The following AP3D1 variants were observed in gnomAD, a reference collection of about 807,000 sequenced individuals.
The protein encoded by AP3D1 is AP-3 complex subunit delta-1.
Under a neutral mutation model 147.6 loss-of-function variants are expected in AP3D1, and 51 were observed. The ratio of observed to expected loss-of-function variants is 0.35; its 90% confidence interval spans 0.28 to 0.44. The LOEUF is 0.44. Ranked by LOEUF, AP3D1 falls within the 20% of genes least tolerant of loss-of-function variation. The pLI, the probability that AP3D1 is intolerant of heterozygous loss-of-function variation, is 1.00. For missense variants in AP3D1, 1,421 were observed against 1,624.2 expected (o/e 0.87, Z 2.15); for synonymous variants, 760 against 663.0 (o/e 1.15, Z -2.25).
At chr19:2,141,482 G>A (rs2019218875) in intron 1 of AP3D1, among the ~76,000 whole-genome samples, 1 of 148,320 alleles carries the variant, frequency 6.7e-6, no homozygotes, top group Non-Finnish European at 1.5e-5. Context: ...TCACCAGGCT[G>A]GAGTGCAGTG....
At chr19:2,148,909 G>C (rs866079675) in intron 1 of AP3D1, among the ~76,000 whole-genome samples, 1 of 152,172 alleles carries the variant, frequency 6.6e-6, no homozygotes, top group Non-Finnish European at 1.5e-5. Flanking sequence ...ACACTGTCTA[G>C]AGTCTTTGTT....
intron 8 of AP3D1, among the ~76,000 whole-genome samples, chr19:2,128,594 G>GCGCATGGCCTGCACTCAC (rs2018837129): frequency 1.6e-4 from 3 of 18,400 alleles, no homozygotes; most frequent in Admixed American, 5.5e-4. Context: ...CGCCCCCGCC[G>GCGCATGGCCTGCACTCAC]CTCCGACACT....
chr19:2,110,754 C>T lies in AP3D1; in HGVS notation c.3128G>A (p.Gly1043Asp), dbSNP rs1351347820. ...GGGGACGCCATCGTGGACGGAGGAG[C>T]CCTGCGGCCGGGCCATCCTGGCATT... The part of the protein sequence containing the change: ...SLNARMARPQ[G>D]SSVHDGVPVP... Residue 1043 changes from glycine to aspartate, a missense_variant, in exon 27 of 32, where the codon GGC (glycine) becomes GAC (aspartate). Coordinates refer to ENST00000643116, the MANE Select transcript of AP3D1 (RefSeq NM_001261826.3). 2 of 1,611,014 alleles carry T rather than the reference C, an allele frequency of 1.2e-6. No homozygotes were observed. The highest frequency in any genetic ancestry group is 1.1e-5 in the South Asian group (1 of 90,754).
intron 31 of AP3D1, among the ~76,000 whole-genome samples, chr19:2,105,711 C>T (rs575926087): frequency 6.6e-6 from 1 of 152,186 alleles, no homozygotes; most frequent in African/African-American, 2.4e-5. Context: ...GGGTTAGGGT[C>T]TCCCTGACCA....
chr19:2,159,000 AT>A (rs34091780), intron 1 of AP3D1, among the ~76,000 whole-genome samples: 43,308 of 148,982 alleles, frequency 0.29, 7,652 homozygotes, highest in Non-Finnish European at 0.41. Flanking sequence ...TTCTGTTATA[AT>A]TTTTTTTTTT....
intron 29 of AP3D1, 183 bp from the exon 30 acceptor site, chr19:2,109,390 G>C: frequency 2.7e-6 from 2 of 750,866 alleles, no homozygotes; most frequent in Non-Finnish European, 4.2e-6. Flanking sequence ...GTCACACCCA[G>C]AAACTGACAA....
intron 15 of AP3D1, among the ~76,000 whole-genome samples, 160 bp from the exon 16 acceptor site, chr19:2,117,527 C>G (rs576948185): frequency 6.6e-6 from 1 of 152,352 alleles, no homozygotes; most frequent in East Asian, 1.9e-4. Flanking sequence ...TCTCTGTCGT[C>G]ATCATCCTCG....
intron 5 of AP3D1, among the ~76,000 whole-genome samples, chr19:2,130,887 C>A (rs1256740154): frequency 6.6e-6 from 1 of 152,260 alleles, no homozygotes; most frequent in African/African-American, 2.4e-5. Flanking sequence ...TGCCCTGCGA[C>A]TGCTCAAATT....
intron 9 of AP3D1, among the ~76,000 whole-genome samples, chr19:2,125,907 G>A (rs2018742499): frequency 1.3e-5 from 2 of 151,888 alleles, no homozygotes; most frequent in South Asian, 2.1e-4. Flanking sequence ...ATCACTTTGA[G>A]AGGTCAAGGC....
intron 31 of AP3D1, among the ~76,000 whole-genome samples, chr19:2,103,990 C>A (rs116357585): frequency 6.6e-6 from 1 of 151,734 alleles, no homozygotes; most frequent in Non-Finnish European, 1.5e-5. Flanking sequence ...GACACTAACA[C>A]CCAGACCCTA....
chr19:2,157,424 A>G (rs911778016), intron 1 of AP3D1, among the ~76,000 whole-genome samples: 6 of 134,552 alleles, frequency 4.5e-5, no homozygotes, highest in African/African-American at 1.7e-4. Context: ...CCTGGGCGAC[A>G]GAGCGAGACT....
At chr19:2,127,864 T>G (rs2018801695) in intron 8 of AP3D1, among the ~76,000 whole-genome samples, 1 of 152,170 alleles carries the variant, frequency 6.6e-6, no homozygotes, top group East Asian at 1.9e-4. Flanking sequence ...ACACAGATAA[T>G]CACCATGGAG....
Position 2,111,215 on chromosome 19 carries a change from G to A in AP3D1, c.2985+70C>T, listed in dbSNP as rs568422041. 14 of 1,586,518 alleles carry A rather than the reference G, an allele frequency of 8.8e-6. No homozygotes were observed. The East Asian group carries it at 2.2e-4, about 25-fold the overall frequency. On this transcript the variant is annotated intron_variant, in intron 26 of 31. Transcript: ENST00000643116. ...ATCCGGGAGCTGTGGGGGCTGCCCG[G>A]GTTCCGCGCGATCCCATGCCAAAGA... is the stretch of plus-strand genomic sequence containing the variant.
intron 1 of AP3D1, among the ~76,000 whole-genome samples, chr19:2,163,374 G>C (rs146931178): frequency 1.3e-5 from 2 of 151,446 alleles, no homozygotes; most frequent in African/African-American, 4.9e-5. Flanking sequence ...GCTCCTGGCC[G>C]TGAGAGGGGG....
rs767578595 is a variant in AP3D1, at chr19:2,110,051, G to T, written c.3264+85C>A. On this transcript the variant is annotated intron_variant, in intron 28 of 31. Transcript: ENST00000643116. ...AGGCAGGTGGCCCACTTCCCCTAGG[G>T]ACACCTGGACACCCACTGCGATGGG... 4.4e-6 allele frequency: 7 copies of T among 1,585,900 alleles called. No homozygotes were observed. The East Asian group carries it at 1.1e-4, about 26-fold the overall frequency.
At chr19:2,159,815 C>T (rs991744791) in intron 1 of AP3D1, among the ~76,000 whole-genome samples, 2 of 152,036 alleles carry the variant, frequency 1.3e-5, no homozygotes, top group African/African-American at 4.8e-5. Context: ...ATTCTCTTGC[C>T]TCAGCCTCCA....
chr19:2,131,413 G>A (rs891793378), intron 5 of AP3D1, among the ~76,000 whole-genome samples: 9 of 148,772 alleles, frequency 6.0e-5, no homozygotes, highest in African/African-American at 2.0e-4. Flanking sequence ...AGCGCCCATC[G>A]GCCACGATCT....
rs117881991 is a variant in AP3D1 at position 2,141,972 on chromosome 19, A to G, written c.97-3258T>C. ...TATTTTTGCATATATTTATGTATAT[A>G]CTTGTTTACATATATATACATTTAT... On this transcript the variant is annotated intron_variant, in intron 1 of 31. Transcript: ENST00000643116. Among the ~76,000 whole-genome samples, 1,466 of 149,752 alleles carry G rather than the reference A, an allele frequency of 9.8e-3. 14 individuals carry two copies. Among genetic ancestry groups the G allele is most frequent in the Middle Eastern group, 0.018 (5 of 280 alleles).
At position 2,118,791 on chromosome 19, in the gene AP3D1, C is replaced by G. The variant is rs768071199; in HGVS notation, c.1523G>C (p.Arg508Pro). The stretch of plus-strand genomic sequence containing the variant: ...GCCTGGCAGCGTGGTGACTCTGGGC[C>G]GCAGCATGGCCTCCAAAGTGTGGTG... ...EPHHTLEAML[R>P]PRVTTLPGHI... Residue 508 changes from arginine to proline, a missense_variant, in exon 15 of 32, where the codon CGG becomes CCG. Around this residue, in one of 6 missense-constraint regions of AP3D1, gnomAD observed 310 missense variants for 388.1 expected, o/e 0.80. Transcript: ENST00000643116. The G allele has an allele frequency of 8.1e-6, 13 of 1,613,704 alleles. No homozygotes were observed. The highest frequency in any genetic ancestry group is 1.0e-5 in the Non-Finnish European group (12 of 1,179,996).
Sources: allele counts gnomAD v4.1 joint callset (sites outside exome capture counted in the v4.1 genomes callset), GRCh38; gene constraint gnomAD v4.1.1; regional missense constraint gnomAD v4.1.1; transcripts MANE v1.5; gene names NCBI Gene and HGNC (gene_info 2026-07-23, HGNC 2026-07-21).